SLC45A3: variants seen among roughly 807,000 people sequenced by gnomAD.
SLC45A3 encodes the protein prostate cancer associated protein 2.
Under a neutral mutation model 35.3 loss-of-function variants are expected in SLC45A3, and 17 were observed. The observed-to-expected ratio is 0.48, with a 90% CI of 0.33 to 0.72. SLC45A3 has a LOEUF of 0.72. Ranked by LOEUF, SLC45A3 falls within the 30% of genes least tolerant of loss-of-function variation. SLC45A3 has a pLI of 0.02. For synonymous variants in SLC45A3, 288 were observed against 334.3 expected (o/e 0.86, Z 1.51); for missense variants, 597 against 731.7 (o/e 0.82, Z 2.12).
intron 1 of SLC45A3, among the ~76,000 whole-genome samples, chr1:205,670,396 A>T (rs1671190249): frequency 6.6e-6 from 1 of 152,140 alleles, no homozygotes; most frequent in African/African-American, 2.4e-5. Context: ...CTTGCCCTAG[A>T]AAAAAACAGT....
chr1:205,662,452 C>A lies in SLC45A3; in HGVS notation c.959-326G>T. 1 of 1,305,126 alleles carries A rather than the reference C, an allele frequency of 7.7e-7. No homozygotes were observed. The highest frequency in any genetic ancestry group is 9.7e-7 in the Non-Finnish European group (1 of 1,028,470). The allele number at this position is 1,305,126 out of a possible 1,614,324, so 80.8% of individuals were successfully genotyped here. A position where few individuals can be genotyped will look rare whatever the true frequency, so the allele number is the denominator to read the frequency against. On this transcript the variant is annotated intron_variant, in intron 3 of 4. Transcript: ENST00000367145. This position sits in a 1 kb window ranked among gnomAD's most constrained non-coding sequence, Gnocchi z 6.2. Reference sequence around the variant, plus strand: ...AGGCTTCAAGACGCTTCTAGGACGCCTGAGCTGGAAGGCGCTGGTGAGATT... The same window carrying A: ...AGGCTTCAAGACGCTTCTAGGACGCATGAGCTGGAAGGCGCTGGTGAGATT...
Position 205,662,654 on chromosome 1 carries a change from A to T in SLC45A3, c.958+179T>A. The stretch of plus-strand genomic sequence containing the variant: ...TAGAGCAGCCAGAGGCCTTCCTGAA[A>T]CCGCAAGCAGAGATGTTCCACACCC... On this transcript the variant is annotated intron_variant, in intron 3 of 4. Coordinates refer to ENST00000367145, the MANE Select transcript of SLC45A3 (RefSeq NM_033102.3). The surrounding 1 kb of genome is among the most constrained non-coding windows in gnomAD (Gnocchi z 6.2). 1 of 1,384,040 alleles carries T rather than the reference A, an allele frequency of 7.2e-7. No homozygotes were observed. The highest frequency in any genetic ancestry group is 9.3e-7 in the Non-Finnish European group (1 of 1,073,966). 85.7% of individuals were successfully genotyped at this position (1,384,040 alleles called of 1,614,324 possible). A position where few individuals can be genotyped will look rare whatever the true frequency, so the allele number is the denominator to read the frequency against.
In SLC45A3 at chr1:205,669,500, T is replaced by C. The variant is rs1241198125; in HGVS notation, c.-230-4614A>G. Among the ~76,000 whole-genome samples the C allele has an allele frequency of 1.3e-5, 2 of 151,832 alleles. No homozygotes were observed. The highest frequency in any genetic ancestry group is 2.9e-5 in the Non-Finnish European group (2 of 67,936). On this transcript the variant is annotated intron_variant, in intron 1 of 4. Coordinates refer to ENST00000367145, the MANE Select transcript of SLC45A3 (RefSeq NM_033102.3). The surrounding 1 kb of genome is among the most constrained non-coding windows in gnomAD (Gnocchi z 4.1). ...GCTGAGGTGGAGCTGGGGGAGCAGATTCCCTCTACTGACAGACAGAGGCCC... is the reference window on the plus strand; with the variant it reads ...GCTGAGGTGGAGCTGGGGGAGCAGACTCCCTCTACTGACAGACAGAGGCCC...
At chr1:205,660,767 G>T (rs1203839862) in intron 4 of SLC45A3, among the ~76,000 whole-genome samples, 1 of 151,938 alleles carries the variant, frequency 6.6e-6, no homozygotes, top group East Asian at 2.0e-4. Context: ...ACTCAGGCCT[G>T]GCCGCTGATG....
intron 1 of SLC45A3, among the ~76,000 whole-genome samples, chr1:205,680,017 C>T (rs1671377475): frequency 7.0e-6 from 1 of 141,990 alleles, no homozygotes; most frequent in African/African-American, 2.5e-5. Flanking sequence ...AGCCAGCGGC[C>T]GGTCCGCCAG....
At chr1:205,674,257 C>G (rs1481826539) in intron 1 of SLC45A3, among the ~76,000 whole-genome samples, 1 of 126,502 alleles carries the variant, frequency 7.9e-6, no homozygotes, top group Admixed American at 7.3e-5. Context: ...AAGGTCAGAA[C>G]TGACACTTCT....
At chr1:205,660,707 A>G (rs1223004588) in intron 4 of SLC45A3, among the ~76,000 whole-genome samples, 1 of 152,126 alleles carries the variant, frequency 6.6e-6, no homozygotes, top group African/African-American at 2.4e-5. Context: ...ATGCTCCTCC[A>G]TCTGGAGAAG....
At chr1:205,675,404 A>G (rs1290305376) in intron 1 of SLC45A3, among the ~76,000 whole-genome samples, 3 of 152,198 alleles carry the variant, frequency 2.0e-5, no homozygotes, top group Admixed American at 2.0e-4. Flanking sequence ...AAGGGGTAAG[A>G]GACAGGAGAT....
intron 1 of SLC45A3, among the ~76,000 whole-genome samples, chr1:205,665,786 G>A (rs1343439591): frequency 2.0e-5 from 3 of 152,182 alleles, no homozygotes; most frequent in Non-Finnish European, 4.4e-5. Flanking sequence ...CCTGCCTCCT[G>A]TGCAGAAAGA....
chr1:205,661,962 C>A lies in SLC45A3; in HGVS notation c.1123G>T (p.Val375Leu). ...AAGATCLSHS[V>L]AVVTASAALT... ...GCGGCTGAAGCTGTCACCACGGCCA[C>A]ACTGTGGGACAGGCATGTGGCACCG... Residue 375 changes from valine to leucine, a missense_variant, in exon 4 of 5, where the codon GTG becomes TTG. This residue lies in a region of SLC45A3 where 555 missense variants were observed against 664.9 expected (regional missense o/e 0.83). Coordinates refer to ENST00000367145, the MANE Select transcript of SLC45A3 (RefSeq NM_033102.3). The A allele has an allele frequency of 6.2e-7, 1 of 1,614,218 alleles. No homozygotes were observed. Among genetic ancestry groups the A allele is most frequent in the South Asian group, 1.1e-5 (1 of 91,076 alleles).
intron 1 of SLC45A3, among the ~76,000 whole-genome samples, chr1:205,671,393 C>T (rs564791508): frequency 2.0e-5 from 3 of 152,322 alleles, no homozygotes; most frequent in South Asian, 4.1e-4. Context: ...CTCTTCCACC[C>T]GAGGGACCAC....
At chr1:205,660,624 G>T (rs967750210) in intron 4 of SLC45A3, among the ~76,000 whole-genome samples, 2 of 152,018 alleles carry the variant, frequency 1.3e-5, no homozygotes, top group Non-Finnish European at 2.9e-5. Context: ...GGGCCTCCCA[G>T]GACTTCTCCT....
chr1:205,667,711 A>G (rs1671142140), intron 1 of SLC45A3, among the ~76,000 whole-genome samples: 1 of 152,072 alleles, frequency 6.6e-6, no homozygotes, highest in East Asian at 1.9e-4. Context: ...AAAAATAAAA[A>G]AATAAAAATA....
At chr1:205,675,775 T>G (rs551132080) in intron 1 of SLC45A3, among the ~76,000 whole-genome samples, 1 of 152,218 alleles carries the variant, frequency 6.6e-6, no homozygotes, top group South Asian at 2.1e-4. Flanking sequence ...CCCCTCCACC[T>G]GAGCCCTGCC....
intron 1 of SLC45A3, among the ~76,000 whole-genome samples, chr1:205,676,989 G>A (rs969690344): frequency 6.6e-6 from 1 of 152,178 alleles, no homozygotes; most frequent in Non-Finnish European, 1.5e-5. Flanking sequence ...AAAGAACAGT[G>A]CAAAAGATCC....
chr1:205,659,175 G>A lies in SLC45A3; in HGVS notation c.*59C>T. ...GCCCGGCAGCCCCATGGGGCTAACA[G>A]GAGCGGGGAGCTGGGACCCAGTGAG... On this transcript the variant is annotated 3_prime_UTR_variant, in exon 5 of 5. Transcript: ENST00000367145. The surrounding 1 kb of genome is among the most constrained non-coding windows in gnomAD (Gnocchi z 5.8). The A allele has an allele frequency of 2.0e-6, 3 of 1,533,244 alleles. No individual in the cohort carries two copies. Among genetic ancestry groups the A allele is most frequent in the South Asian group, 2.5e-5 (2 of 79,586 alleles). The allele number at this position is 1,533,244 out of a possible 1,614,324, so 95.0% of individuals were successfully genotyped here.
In SLC45A3 at chr1:205,662,363, G is replaced by T. The variant is rs1309112040; in HGVS notation, c.959-237C>A. On this transcript the variant is annotated intron_variant, in intron 3 of 4. Coordinates refer to ENST00000367145, the MANE Select transcript of SLC45A3 (RefSeq NM_033102.3). This position sits in a 1 kb window ranked among gnomAD's most constrained non-coding sequence, Gnocchi z 6.2. ...GAAGGCAGAGGAAGGTAGTCTGAAG[G>T]TTTCCTGGGAGTCTCAGCTGTGAGG... 23 of 1,398,620 alleles carry T rather than the reference G, an allele frequency of 1.6e-5. No homozygotes were observed. Among genetic ancestry groups the T allele is most frequent in the East Asian group, 2.6e-5 (1 of 38,072 alleles). The allele number at this position is 1,398,620 out of a possible 1,614,324, so 86.6% of individuals were successfully genotyped here.
chr1:205,680,010 C>T (rs2102412788), intron 1 of SLC45A3, among the ~76,000 whole-genome samples: 1 of 148,686 alleles, frequency 6.7e-6, no homozygotes, highest in East Asian at 2.0e-4. Context: ...CAACAGGAGC[C>T]AGCGGCCGGT....
intron 1 of SLC45A3, among the ~76,000 whole-genome samples, chr1:205,679,936 G>A (rs753814304): frequency 8.0e-4 from 121 of 151,986 alleles, no homozygotes; most frequent in Non-Finnish European, 1.6e-3. Flanking sequence ...CCTTTCCGGT[G>A]AAGCCCAGAC....
Sources: allele counts gnomAD v4.1 joint callset (sites outside exome capture counted in the v4.1 genomes callset), GRCh38; gene constraint gnomAD v4.1.1; regional missense constraint gnomAD v4.1.1; non-coding constraint Gnocchi (gnomAD v3.1); transcripts MANE v1.5; gene names NCBI Gene and HGNC (gene_info 2026-07-23, HGNC 2026-07-21).